Variants in DACH2 observed in about 807,000 individuals in gnomAD.
DACH2 encodes dachshund family transcription factor 2, also known as dachshund homolog 2.
Under a neutral mutation model 35.8 loss-of-function variants are expected in DACH2, and 17 were observed. That is an observed-to-expected ratio of 0.48 (90% confidence interval 0.33 to 0.71). The LOEUF (loss-of-function observed/expected upper bound fraction) is 0.71, where lower values mean the gene tolerates loss of function less well. Among genes scored for constraint, DACH2 ranks in the 30% least tolerant of loss-of-function variants. The pLI is 0.02. For synonymous variants in DACH2, 195 were observed against 177.3 expected, an observed-to-expected ratio of 1.10 and a Z score of -0.79; for missense variants, 469 against 472.7, an observed-to-expected ratio of 0.99 and a Z score of 0.07.
intron 7 of DACH2, among the ~76,000 whole-genome samples, chrX:86,797,052 A>G (rs1428856865): frequency 9.0e-6 from 1 of 111,491 alleles, no homozygotes; most frequent in Non-Finnish European, 1.9e-5. Flanking sequence ...TTCTCTCAAA[A>G]CATTTTATTG....
intron 3 of DACH2, among the ~76,000 whole-genome samples, chrX:86,571,659 T>C (rs2039371368): frequency 9.0e-6 from 1 of 111,337 alleles, no homozygotes; most frequent in Non-Finnish European, 1.9e-5. Flanking sequence ...AGGACCCCAC[T>C]GTGATGATTA....
intron 3 of DACH2, among the ~76,000 whole-genome samples, chrX:86,635,393 G>T (rs1267003871): frequency 2.8e-5 from 3 of 106,461 alleles, no homozygotes; most frequent in Non-Finnish European, 5.8e-5. Flanking sequence ...AATAGTAAGA[G>T]ACATCTATGA....
At chrX:86,152,431 T>C (rs1055388883) in intron 1 of DACH2, among the ~76,000 whole-genome samples, 3 of 111,621 alleles carry the variant, frequency 2.7e-5, no homozygotes, top group Non-Finnish European at 5.7e-5. Flanking sequence ...AATGAATGAG[T>C]AAAATATATA....
chrX:86,401,362 G>C (rs914879576), intron 2 of DACH2, among the ~76,000 whole-genome samples: 1 of 111,909 alleles, frequency 8.9e-6, no homozygotes, highest in African/African-American at 3.3e-5. Context: ...TTCGGCTTAT[G>C]CACGGTGCAC....
chrX:86,586,361 G>A (rs2039570647), intron 3 of DACH2, among the ~76,000 whole-genome samples: 1 of 111,356 alleles, frequency 9.0e-6, no homozygotes, highest in Non-Finnish European at 1.9e-5. Flanking sequence ...TATTCTTTGG[G>A]TTGTCTGTTT....
chrX:86,685,166 G>A (rs767367748), intron 4 of DACH2, among the ~76,000 whole-genome samples: 1 of 111,357 alleles, frequency 9.0e-6, no homozygotes, highest in South Asian at 3.7e-4. Context: ...AGGTTGTATT[G>A]TGTTGTTCAC....
intron 3 of DACH2, among the ~76,000 whole-genome samples, chrX:86,540,084 A>G (rs114398093): frequency 0.017 from 1,942 of 112,001 alleles, 48 homozygotes; most frequent in African/African-American, 0.06. Flanking sequence ...ATGTTTAGCT[A>G]TGATAAACTC....
At chrX:86,665,071 A>G (rs2040651144) in intron 4 of DACH2, among the ~76,000 whole-genome samples, 1 of 111,679 alleles carries the variant, frequency 9.0e-6, no homozygotes, top group Admixed American at 9.6e-5. Context: ...TCCCATGAAC[A>G]AAGTGTTTTC....
chrX:86,328,058 T>TA (rs1207886342), intron 1 of DACH2, among the ~76,000 whole-genome samples: 1 of 111,946 alleles, frequency 8.9e-6, no homozygotes, highest in Non-Finnish European at 1.9e-5. Flanking sequence ...CAGATTTCTT[T>TA]ATTTTTTTCA....
intron 3 of DACH2, among the ~76,000 whole-genome samples, chrX:86,572,847 TC>T (rs1231248517): frequency 9.0e-6 from 1 of 111,585 alleles, no homozygotes; most frequent in African/African-American, 3.3e-5. Context: ...CTCGTTTTTT[TC>T]AGCAAAAGCT....
chrX:86,313,935 T>TA (rs1312547413), intron 1 of DACH2, among the ~76,000 whole-genome samples: 3 of 111,997 alleles, frequency 2.7e-5, no homozygotes, highest in Non-Finnish European at 5.6e-5. Context: ...TGCAAATGGT[T>TA]TCATTATTAT....
At chrX:86,771,651 G>A (rs2041988752) in intron 7 of DACH2, among the ~76,000 whole-genome samples, 1 of 111,857 alleles carries the variant, frequency 8.9e-6, no homozygotes, top group Admixed American at 9.5e-5. Context: ...TATTGAAAAT[G>A]CAGCGTTCAC....
chrX:86,764,712 A>G (rs1189410784), intron 7 of DACH2, among the ~76,000 whole-genome samples: 1 of 111,174 alleles, frequency 9.0e-6, no homozygotes, highest in Non-Finnish European at 1.9e-5. Flanking sequence ...TGCCTTTTTG[A>G]TAGAAAGAGT....
rs773441205 is a variant in DACH2 at position 86,693,369 on chromosome X, G to A, written c.773-1652G>A. Among the ~76,000 whole-genome samples the A allele has an allele frequency of 1.4e-4, 16 of 111,765 alleles. No homozygotes were observed. The East Asian group carries it at 4.0e-3, about 28-fold the overall frequency. On this transcript the variant is annotated intron_variant, in intron 4 of 11. Coordinates refer to ENST00000373125, the MANE Select transcript of DACH2 (RefSeq NM_053281.3). The stretch of plus-strand genomic sequence containing the variant: ...ATACCCTTCAATCTTTACATATACT[G>A]TGCTAGAATCCAGTGTTTCCTTATC...
chrX:86,732,563 A>T (rs2041542983), intron 6 of DACH2, among the ~76,000 whole-genome samples: 1 of 111,758 alleles, frequency 8.9e-6, no homozygotes, highest in Non-Finnish European at 1.9e-5. Context: ...ACTCCTTGTT[A>T]TGTGACCTTA....
chrX:86,489,062 A>G (rs1382480103), intron 2 of DACH2, among the ~76,000 whole-genome samples: 7 of 111,659 alleles, frequency 6.3e-5, no homozygotes, highest in Admixed American at 3.8e-4. Context: ...ATCTATTCCC[A>G]TACTGAGATC....
intron 4 of DACH2, among the ~76,000 whole-genome samples, chrX:86,667,139 C>T (rs1479659960): frequency 2.9e-5 from 3 of 102,310 alleles, no homozygotes; most frequent in Non-Finnish European, 5.9e-5. Context: ...ACCTGTAGTC[C>T]CAGCTGCTTG....
chrX:86,610,457 G>A (rs190726106), intron 3 of DACH2, among the ~76,000 whole-genome samples: 41 of 78,746 alleles, frequency 5.2e-4, no homozygotes, highest in African/African-American at 1.7e-3. Flanking sequence ...TTTTTCTTTC[G>A]ACAGGGTCTC....
chrX:86,667,358 A>AAGGAAGGAAGGAAGG (rs1569463455), intron 4 of DACH2, among the ~76,000 whole-genome samples: 26 of 53,233 alleles, frequency 4.9e-4, no homozygotes, highest in East Asian at 2.2e-3. Context: ...AGGAAGGAAG[A>AAGGAAGGAAGGAAGG]GGAAGGGAAG....
Sources: allele counts gnomAD v4.1 joint callset (sites outside exome capture counted in the v4.1 genomes callset), GRCh38; gene constraint gnomAD v4.1.1; transcripts MANE v1.5; gene names NCBI Gene and HGNC (gene_info 2026-07-23, HGNC 2026-07-21).